Variants in EPHB3 observed in about 807,000 individuals in gnomAD.
The protein encoded by EPHB3 is EPH receptor B3, also known as ephrin type-B receptor 3.
In EPHB3, 33 loss-of-function variants were observed where a neutral mutation model predicts 100.2. The observed-to-expected ratio is 0.33, with a 90% confidence interval of 0.25 to 0.44. The LOEUF (loss-of-function observed/expected upper bound fraction) is 0.44, where lower values mean the gene tolerates loss of function less well. Among genes scored for constraint, EPHB3 ranks in the 20% least tolerant of loss-of-function variants. EPHB3 has a pLI of 1.00. For synonymous variants in EPHB3, 526 were observed against 554.7 expected (o/e 0.95, Z 0.73); for missense variants, 1,045 against 1,378.3 (o/e 0.76, Z 3.83).
Position 184,562,151 on chromosome 3 carries a change from G to T in EPHB3, c.-85G>T. 1 of 198,448 alleles carries T rather than the reference G, an allele frequency of 5.0e-6. No homozygotes were observed. 12.3% of individuals were successfully genotyped at this position (198,448 alleles called of 1,614,324 possible). ...GCGAGCCTGCCCCGGAGCCCGCCGAGCGCACCCTCTCTCGGGTGCCTGCAG... is the reference window on the plus strand; with the variant it reads ...GCGAGCCTGCCCCGGAGCCCGCCGATCGCACCCTCTCTCGGGTGCCTGCAG... On this transcript the variant is annotated 5_prime_UTR_variant, in exon 1 of 16. Coordinates refer to ENST00000330394, the MANE Select transcript of EPHB3 (RefSeq NM_004443.4). This position sits in a 1 kb window ranked among gnomAD's most constrained non-coding sequence, Gnocchi z 4.8.
chr3:184,563,906 T>G lies in EPHB3; in HGVS notation c.118+1553T>G, dbSNP rs1436588456. On this transcript the variant is annotated intron_variant, in intron 1 of 15. Transcript: ENST00000330394. The surrounding 1 kb of genome is among the most constrained non-coding windows in gnomAD (Gnocchi z 4.1). ...GTGTGTCGGGCCACAAGGCCCTTGTTGTGGGTGTGGTGGGTGCTGGTGCTG... is the reference window on the plus strand; with the variant it reads ...GTGTGTCGGGCCACAAGGCCCTTGTGGTGGGTGTGGTGGGTGCTGGTGCTG... 6.6e-6 allele frequency among the ~76,000 whole-genome samples: 1 copy of G among 152,232 alleles called. No individual in the cohort carries two copies. Among genetic ancestry groups the G allele is most frequent in the Non-Finnish European group, 1.5e-5 (1 of 68,042 alleles).
At chr3:184,576,379 C>A (rs1427457660) in intron 4 of EPHB3, among the ~76,000 whole-genome samples, 1 of 152,184 alleles carries the variant, frequency 6.6e-6, no homozygotes. Flanking sequence ...ATGGAGGGGG[C>A]CTCACATCCT....
At position 184,561,893 on chromosome 3, in the gene EPHB3, T is replaced by A. The variant is rs925500386; in HGVS notation, c.-343T>A. The A allele has an allele frequency of 2.6e-5, 4 of 153,248 alleles. No homozygotes were observed. Among genetic ancestry groups the A allele is most frequent in the Non-Finnish European group, 5.8e-5 (4 of 68,950 alleles). 9.5% of individuals were successfully genotyped at this position (153,248 alleles called of 1,614,324 possible). A position where few individuals can be genotyped will look rare whatever the true frequency, so the allele number is the denominator to read the frequency against. On this transcript the variant is annotated 5_prime_UTR_variant, in exon 1 of 16. Coordinates refer to ENST00000330394, the MANE Select transcript of EPHB3 (RefSeq NM_004443.4). ...TCGGGCCCGCAGCTGACCGCCAGAT[T>A]ACTGTGCATCCCGAATCACGACCAC... is the stretch of plus-strand genomic sequence containing the variant.
rs1714854502 is a variant in EPHB3, at chr3:184,582,360, C to T, written c.*738C>T. On this transcript the variant is annotated 3_prime_UTR_variant, in exon 16 of 16. Coordinates refer to ENST00000330394, the MANE Select transcript of EPHB3 (RefSeq NM_004443.4). Reference sequence around the variant, plus strand: ...GCGTGTAAAAGCTTGGCCCTGTGCCCTACAATGGGGCCAGCTGGGCCGACA... The same window carrying T: ...GCGTGTAAAAGCTTGGCCCTGTGCCTTACAATGGGGCCAGCTGGGCCGACA... 6.6e-6 allele frequency: 1 copy of T among 152,432 alleles called. No individual in the cohort carries two copies. Among genetic ancestry groups the T allele is most frequent in the East Asian group, 1.9e-4 (1 of 5,168 alleles). The allele number at this position is 152,432 out of a possible 1,614,324, so 9.4% of individuals were successfully genotyped here. A position where few individuals can be genotyped will look rare whatever the true frequency, so the allele number is the denominator to read the frequency against.
rs1423010569 is a variant in EPHB3 at position 184,562,667 on chromosome 3, C to G, written c.118+314C>G. On this transcript the variant is annotated intron_variant, in intron 1 of 15. Coordinates refer to ENST00000330394, the MANE Select transcript of EPHB3 (RefSeq NM_004443.4). The surrounding 1 kb of genome is among the most constrained non-coding windows in gnomAD (Gnocchi z 4.8). ...CCACACTCACGGCAGAGAAGTGGGG[C>G]TCCCGGCACCCCCCGAAGTCGAGGA... is the stretch of plus-strand genomic sequence containing the variant. Among the ~76,000 whole-genome samples, 1 of 152,058 alleles carries G rather than the reference C, an allele frequency of 6.6e-6. No individual in the cohort carries two copies. The highest frequency in any genetic ancestry group is 1.5e-5 in the Non-Finnish European group (1 of 67,982).
At chr3:184,580,679 G>T (rs747289531) in intron 12 of EPHB3, 50 bp from the exon 13 acceptor site, 4 of 1,609,358 alleles carry the variant, frequency 2.5e-6, no homozygotes, top group East Asian at 2.2e-5. Flanking sequence ...GCTCGGGCCT[G>T]GGGGGCAGCC....
rs755357116 is a variant in EPHB3 at position 184,577,641 on chromosome 3, C to T, written c.1480-17C>T. On this transcript the variant is annotated splice_polypyrimidine_tract_variant and intron_variant, in intron 6 of 15. Transcript: ENST00000330394. The surrounding 1 kb of genome is among the most constrained non-coding windows in gnomAD (Gnocchi z 4.9). The stretch of plus-strand genomic sequence containing the variant: ...CAGGACCCACCTGAGGGTGCCCCCT[C>T]TCTCCTGGCATTGCAGAGCGAGGGC... 1.3e-6 allele frequency: 2 copies of T among 1,579,676 alleles called. No homozygotes were observed. The highest frequency in any genetic ancestry group is 1.3e-5 in the African/African-American group (1 of 74,394).
intron 1 of EPHB3, among the ~76,000 whole-genome samples, chr3:184,568,261 A>C (rs9877814): frequency 0.4 from 60,753 of 152,028 alleles, 12,239 homozygotes; most frequent in Non-Finnish European, 0.41. Flanking sequence ...AGGCCTGGTG[A>C]CTACCTCCCT....
chr3:184,578,827 G>A lies in EPHB3; in HGVS notation c.1801+361G>A, dbSNP rs181654713. Reference sequence around the variant, plus strand: ...AGAAGAGGAAGGCTTCCTCGAGGAGGTGGACTTGAGCTGAGCCAGGCGGGA... The same window carrying A: ...AGAAGAGGAAGGCTTCCTCGAGGAGATGGACTTGAGCTGAGCCAGGCGGGA... On this transcript the variant is annotated intron_variant, in intron 9 of 15. Transcript: ENST00000330394. This position sits in a 1 kb window ranked among gnomAD's most constrained non-coding sequence, Gnocchi z 4.7. Among the ~76,000 whole-genome samples the A allele has an allele frequency of 1.3e-5, 2 of 152,348 alleles. No homozygotes were observed. The highest frequency in any genetic ancestry group is 2.9e-5 in the Non-Finnish European group (2 of 68,044).
chr3:184,566,753 G>A (rs1714395722), intron 1 of EPHB3, among the ~76,000 whole-genome samples: 1 of 152,226 alleles, frequency 6.6e-6, no homozygotes, highest in Non-Finnish European at 1.5e-5. Context: ...GCCCAGCCCT[G>A]GTGCTGACCT....
At position 184,577,899 on chromosome 3, in the gene EPHB3, C is replaced by A. The variant is rs1374371755; in HGVS notation, c.1641C>A (p.Gly547=). ...PAEFETTSER[G]SGAQQLQEQL... ...CAGCAGCCCCTTCTCTATCTCCAGG[C>A]TCTGGGGCCCAGCAGCTCCAGGAGC... is the stretch of plus-strand genomic sequence containing the variant. Residue 547 remains glycine (G), a splice_region_variant and synonymous_variant, in exon 8 of 16, where the codon GGC becomes GGA. Transcript: ENST00000330394. This position sits in a 1 kb window ranked among gnomAD's most constrained non-coding sequence, Gnocchi z 4.9. 4 of 1,613,592 alleles carry A rather than the reference C, an allele frequency of 2.5e-6. No homozygotes were observed. The South Asian group carries it at 4.4e-5, about 18-fold the overall frequency.
chr3:184,566,087 G>A (rs75874102), intron 1 of EPHB3, among the ~76,000 whole-genome samples: 2,579 of 152,274 alleles, frequency 0.017, 37 homozygotes, highest in Non-Finnish European at 0.028. Context: ...GGTGGGAGAG[G>A]CCCCCTGCCC....
At position 184,575,106 on chromosome 3, in the gene EPHB3, T is replaced by G. The variant is rs1334743508; in HGVS notation, c.857-724T>G. 1.1e-5 allele frequency: 11 copies of G among 977,124 alleles called. No individual in the cohort carries two copies. The Admixed American group carries it at 6.8e-4, about 60-fold the overall frequency. The allele number at this position is 977,124 out of a possible 1,614,324, so 60.5% of individuals were successfully genotyped here. A position where few individuals can be genotyped will look rare whatever the true frequency, so the allele number is the denominator to read the frequency against. On this transcript the variant is annotated intron_variant, in intron 3 of 15. Coordinates refer to ENST00000330394, the MANE Select transcript of EPHB3 (RefSeq NM_004443.4). Reference sequence around the variant, plus strand: ...TGAAGAATACACGATAAGGCTACCATCAATCCACAGAGCCTGTGTCCAGGG... The same window carrying G: ...TGAAGAATACACGATAAGGCTACCAGCAATCCACAGAGCCTGTGTCCAGGG...
intron 1 of EPHB3, among the ~76,000 whole-genome samples, chr3:184,570,816 C>T (rs996182692): frequency 6.6e-5 from 10 of 152,204 alleles, no homozygotes; most frequent in African/African-American, 9.7e-5. Flanking sequence ...CTAGCCTGCC[C>T]GACCTGACAT....
chr3:184,569,551 G>A lies in EPHB3; in HGVS notation c.119-1767G>A, dbSNP rs1042920462. Among the ~76,000 whole-genome samples the A allele has an allele frequency of 6.6e-5, 10 of 151,306 alleles. No individual in the cohort carries two copies. Among genetic ancestry groups the A allele is most frequent in the Non-Finnish European group, 1.2e-4 (8 of 67,922 alleles). ...AGTACCCCCCAGGCCGAATGTCTGT[G>A]TCTGTCTGTCTGTCTGTCTGTCTGC... is the stretch of plus-strand genomic sequence containing the variant. On this transcript the variant is annotated intron_variant, in intron 1 of 15. Coordinates refer to ENST00000330394, the MANE Select transcript of EPHB3 (RefSeq NM_004443.4). The surrounding 1 kb of genome is among the most constrained non-coding windows in gnomAD (Gnocchi z 5.4).
At position 184,575,887 on chromosome 3, in the gene EPHB3, C is replaced by T; in HGVS notation, c.914C>T (p.Pro305Leu). The change falls in exon 4 of 16, where the codon CCC becomes CTC. Residue 305 changes from proline to leucine, a missense_variant. Transcript: ENST00000330394. ...GGAGAGGGGCCCTGCCTCCCATGTC[C>T]CCCCAACAGCCGTACCACCTCCCCA... ...KQGEGPCLPCPPNSRTTSPAA... is the reference protein window; with the variant it reads ...KQGEGPCLPCLPNSRTTSPAA... The T allele has an allele frequency of 6.2e-7, 1 of 1,613,648 alleles. No individual in the cohort carries two copies. Among genetic ancestry groups the T allele is most frequent in the Non-Finnish European group, 8.5e-7 (1 of 1,179,816 alleles).
rs1714542630 is a variant in EPHB3 at position 184,571,639 on chromosome 3, C to T, written c.183+257C>T. Among the ~76,000 whole-genome samples, 1 of 152,148 alleles carries T rather than the reference C, an allele frequency of 6.6e-6. No individual in the cohort carries two copies. The highest frequency in any genetic ancestry group is 6.5e-5 in the Admixed American group (1 of 15,274). On this transcript the variant is annotated intron_variant, in intron 2 of 15. Coordinates refer to ENST00000330394, the MANE Select transcript of EPHB3 (RefSeq NM_004443.4). The surrounding 1 kb of genome is among the most constrained non-coding windows in gnomAD (Gnocchi z 5.0). ...CCCCCAGCTCCCGCTCCCTCTCCCT[C>T]TCTTCCTAACAGCCCTCTGCATGTC...
chr3:184,579,456 G>A lies in EPHB3; in HGVS notation c.1802-21G>A, dbSNP rs550906175. The A allele has an allele frequency of 2.4e-5, 39 of 1,610,222 alleles. No individual in the cohort carries two copies. Among genetic ancestry groups the A allele is most frequent in the Non-Finnish European group, 3.1e-5 (36 of 1,177,010 alleles). On this transcript the variant is annotated intron_variant, in intron 9 of 15. Transcript: ENST00000330394. This position sits in a 1 kb window ranked among gnomAD's most constrained non-coding sequence, Gnocchi z 5.2. ...GGCTGGCTTGACGTTACCCTCTCAC[G>A]CCCACCTCTTCTCCCTCCAGTTGCT...
rs1170050657 is a variant in EPHB3 at position 184,572,512 on chromosome 3, G to A, written c.192G>A (p.Glu64=). 6.4e-7 allele frequency: 1 copy of A among 1,561,666 alleles called. No individual in the cohort carries two copies. The highest frequency in any genetic ancestry group is 8.6e-7 in the Non-Finnish European group (1 of 1,158,970). The stretch of plus-strand genomic sequence containing the variant: ...CATTGGTCCATGCACAGTGGGAAGA[G>A]GTGAGTGGCTACGATGAGGCCATGA... ...WTSHPESGWE[E]VSGYDEAMNP... is the part of the protein sequence containing the mutation. The change falls in exon 3 of 16, where the codon GAG becomes GAA. Residue 64 remains glutamate (E), a synonymous_variant. Coordinates refer to ENST00000330394, the MANE Select transcript of EPHB3 (RefSeq NM_004443.4). The surrounding 1 kb of genome is among the most constrained non-coding windows in gnomAD (Gnocchi z 6.6).
Sources: gnomAD v4.1 joint callset for allele counts (sites outside exome capture counted in the v4.1 genomes callset) on GRCh38, gnomAD v4.1.1 for gene constraint, Gnocchi (gnomAD v3.1) non-coding constraint, MANE v1.5 for transcripts, NCBI Gene and HGNC (gene_info 2026-07-23, HGNC 2026-07-21) for gene names.